Variants in HPSE2 observed in about 807,000 individuals in gnomAD.
HPSE2 encodes inactive heparanase-2.
In HPSE2, 38 loss-of-function variants were observed where a neutral mutation model predicts 60.5. That is an observed-to-expected ratio of 0.63 (90% CI 0.48 to 0.82). The LOEUF is 0.82. HPSE2 is among the 40% of genes least tolerant of loss of function. The pLI, the probability that HPSE2 is intolerant of heterozygous loss-of-function variation, is 0.00. For synonymous variants in HPSE2, 295 were observed against 293.2 expected (o/e 1.01, Z -0.06); for missense variants, 713 against 740.4 (o/e 0.96, Z 0.43).
intron 5 of HPSE2, among the ~76,000 whole-genome samples, chr10:98,696,673 G>A (rs1321177563): frequency 6.6e-6 from 1 of 152,238 alleles, no homozygotes; most frequent in Admixed American, 6.5e-5. Context: ...CCTCCCAGGA[G>A]GAGGGGTGAC....
chr10:98,792,740 C>T (rs1950685241), intron 3 of HPSE2, among the ~76,000 whole-genome samples: 1 of 151,908 alleles, frequency 6.6e-6, no homozygotes, highest in Non-Finnish European at 1.5e-5. Flanking sequence ...GGAGACCTGT[C>T]ATTTATATAG....
At chr10:98,972,458 G>A (rs530433532) in intron 3 of HPSE2, among the ~76,000 whole-genome samples, 26 of 151,948 alleles carry the variant, frequency 1.7e-4, no homozygotes, top group Admixed American at 1.2e-3. Flanking sequence ...GACATTTCTC[G>A]AGCCCTTAGT....
intron 3 of HPSE2, among the ~76,000 whole-genome samples, chr10:99,036,966 T>A (rs1957623511): frequency 6.6e-6 from 1 of 152,116 alleles, no homozygotes; most frequent in African/African-American, 2.4e-5. Flanking sequence ...AACACCGCAG[T>A]AACTAAAAGA....
intron 10 of HPSE2, among the ~76,000 whole-genome samples, chr10:98,485,097 G>A (rs1941392731): frequency 6.6e-6 from 1 of 152,168 alleles, no homozygotes; most frequent in Admixed American, 6.5e-5. Flanking sequence ...AGTGACCAAG[G>A]ACAGGTCAGT....
chr10:99,071,572 G>A (rs1842791338), intron 3 of HPSE2, among the ~76,000 whole-genome samples: 1 of 152,148 alleles, frequency 6.6e-6, no homozygotes, highest in African/African-American at 2.4e-5. Context: ...TCCCTTATAA[G>A]TAATGTTTTT....
chr10:99,156,185 G>A (rs1472309150), intron 2 of HPSE2, among the ~76,000 whole-genome samples: 1 of 127,312 alleles, frequency 7.9e-6, no homozygotes, highest in Non-Finnish European at 1.7e-5. Context: ...GGAGGAACTG[G>A]TACCATTCCT....
chr10:98,720,847 A>T (rs1314633405), intron 5 of HPSE2, among the ~76,000 whole-genome samples: 1 of 152,232 alleles, frequency 6.6e-6, no homozygotes, highest in Non-Finnish European at 1.5e-5. Context: ...TGAAGCAATG[A>T]GTAAAAAATG....
chr10:99,237,654 T>C (rs150135337), upstream of HPSE2, among the ~76,000 whole-genome samples: 5 of 152,372 alleles, frequency 3.3e-5, no homozygotes, highest in African/African-American at 9.6e-5. Flanking sequence ...TAGTGAAGTA[T>C]TGGATGTTGG....
intron 9 of HPSE2, among the ~76,000 whole-genome samples, chr10:98,557,102 A>C (rs919726246): frequency 9.2e-5 from 14 of 152,074 alleles, no homozygotes; most frequent in Middle Eastern, 6.8e-3. Context: ...AGTTCCAGCT[A>C]CTCAGGAGGC....
At chr10:99,287,208 T>C in the HPSE2 span, among the ~76,000 whole-genome samples, 1 of 151,934 alleles carries the variant, frequency 6.6e-6, no homozygotes, top group African/African-American at 2.4e-5. Flanking sequence ...GAATCAGACA[T>C]CCAAGAGATT....
intron 2 of HPSE2, among the ~76,000 whole-genome samples, chr10:99,175,704 C>T (rs1188397800): frequency 6.6e-6 from 1 of 152,212 alleles, no homozygotes; most frequent in Non-Finnish European, 1.5e-5. Flanking sequence ...CTTCAGCAGA[C>T]TTAAACGTTC....
chr10:99,011,226 T>C (rs944454210), intron 3 of HPSE2, among the ~76,000 whole-genome samples: 3 of 152,166 alleles, frequency 2.0e-5, no homozygotes, highest in Non-Finnish European at 4.4e-5. Context: ...TTGAACATTA[T>C]AAATATGAAA....
At chr10:98,749,878 TGAG>T (rs987184523) in intron 3 of HPSE2, among the ~76,000 whole-genome samples, 15 of 147,060 alleles carry the variant, frequency 1.0e-4, no homozygotes, top group Non-Finnish European at 2.1e-4. Flanking sequence ...CCTCATAAGT[TGAG>T]GAGCATCTGC....
chr10:98,470,005 C>T (rs555489740), intron 11 of HPSE2, among the ~76,000 whole-genome samples: 2 of 152,292 alleles, frequency 1.3e-5, no homozygotes, highest in Non-Finnish European at 1.5e-5. Flanking sequence ...CAGGTTTCCC[C>T]AGTCCTAATT....
At chr10:99,087,774 T>C (rs1349271874) in intron 3 of HPSE2, among the ~76,000 whole-genome samples, 1 of 152,130 alleles carries the variant, frequency 6.6e-6, no homozygotes, top group Non-Finnish European at 1.5e-5. Context: ...GAGATTTCAA[T>C]GAATGCTGAT....
At chr10:99,222,398 T>C (rs1340846216) in intron 2 of HPSE2, among the ~76,000 whole-genome samples, 1 of 152,148 alleles carries the variant, frequency 6.6e-6, no homozygotes, top group African/African-American at 2.4e-5. Context: ...AACAGAAAGA[T>C]AAGGCAAAGA....
At chr10:98,708,885 A>C (rs1176842506) in intron 5 of HPSE2, among the ~76,000 whole-genome samples, 1 of 152,192 alleles carries the variant, frequency 6.6e-6, no homozygotes, top group Admixed American at 6.5e-5. Context: ...AACCACAGAA[A>C]TAACTCATGA....
At chr10:98,957,640 A>G (rs1162226957) in intron 3 of HPSE2, among the ~76,000 whole-genome samples, 1 of 152,118 alleles carries the variant, frequency 6.6e-6, no homozygotes, top group African/African-American at 2.4e-5. Context: ...TTCTGATTCC[A>G]TAGCTCTATT....
intron 2 of HPSE2, among the ~76,000 whole-genome samples, chr10:99,190,317 T>A (rs775346243): frequency 1.2e-4 from 19 of 152,236 alleles, no homozygotes; most frequent in Non-Finnish European, 2.6e-4. Flanking sequence ...AGAAGTTACA[T>A]AATCTCTTTG....
Sources: allele counts gnomAD v4.1 joint callset (sites outside exome capture counted in the v4.1 genomes callset), GRCh38; gene constraint gnomAD v4.1.1; transcripts MANE v1.5; gene names NCBI Gene and HGNC (gene_info 2026-07-23, HGNC 2026-07-21).